The following ELFN2 variants were observed in gnomAD, a reference collection of about 807,000 sequenced individuals.
ELFN2 encodes extracellular leucine rich repeat and fibronectin type III domain containing 2.
A neutral mutation model predicts 45.5 loss-of-function variants in ELFN2; 17 were observed. That is an observed-to-expected ratio of 0.37 (90% CI 0.26 to 0.56). ELFN2 has a LOEUF of 0.56. Among genes scored for constraint, ELFN2 ranks in the 20% least tolerant of loss-of-function variants. The probability of loss-of-function intolerance (pLI) is 0.77; values close to 1 mark genes in which losing one functional copy is unlikely to be tolerated. For synonymous variants in ELFN2, 550 were observed against 551.5 expected (o/e 1.00, Z 0.04); for missense variants, 922 against 1,183.2 (o/e 0.78, Z 3.24).
At chr22:37,413,980 C>T (rs755495933) in intron 2 of ELFN2, among the ~76,000 whole-genome samples, 2 of 152,242 alleles carry the variant, frequency 1.3e-5, no homozygotes, top group African/African-American at 2.4e-5. Flanking sequence ...TCACAGCCTG[C>T]TGTGTACCCA....
intron 2 of ELFN2, among the ~76,000 whole-genome samples, chr22:37,410,744 G>A (rs62234982): frequency 0.016 from 2,402 of 152,318 alleles, 29 homozygotes; most frequent in Middle Eastern, 0.034. Flanking sequence ...ACCGAGGAGC[G>A]GAGGATGATC....
At chr22:37,392,902 C>T (rs1330634387) in intron 2 of ELFN2, among the ~76,000 whole-genome samples, 2 of 152,226 alleles carry the variant, frequency 1.3e-5, no homozygotes, top group African/African-American at 4.8e-5. Flanking sequence ...CTTCAGGAGC[C>T]CCATTAATCA....
intron 2 of ELFN2, among the ~76,000 whole-genome samples, chr22:37,341,578 C>T (rs771581237): frequency 2.8e-4 from 42 of 152,180 alleles, no homozygotes; most frequent in African/African-American, 5.1e-4. Context: ...GAAGGTTTCC[C>T]GGATGGTTCT....
chr22:37,403,014 C>T (rs1932403025), intron 2 of ELFN2, among the ~76,000 whole-genome samples: 1 of 152,128 alleles, frequency 6.6e-6, no homozygotes. Context: ...CCTCACTTGC[C>T]CACAACTGCC....
intron 2 of ELFN2, among the ~76,000 whole-genome samples, chr22:37,382,022 CCT>C (rs897584520): frequency 1.1e-4 from 16 of 146,090 alleles, no homozygotes; most frequent in African/African-American, 2.3e-4. Context: ...AGAAGCCCCC[CCT>C]GTGATGGGGT....
At chr22:37,414,107 T>C (rs958586390) in intron 2 of ELFN2, among the ~76,000 whole-genome samples, 2 of 152,208 alleles carry the variant, frequency 1.3e-5, no homozygotes, top group African/African-American at 2.4e-5. Flanking sequence ...CACAAATTTA[T>C]TGAACCTCTA....
At chr22:37,385,825 G>A (rs1255757171) in intron 2 of ELFN2, among the ~76,000 whole-genome samples, 2 of 152,182 alleles carry the variant, frequency 1.3e-5, no homozygotes, top group Non-Finnish European at 2.9e-5. Context: ...GATACTAACA[G>A]CATGGATCGG....
At chr22:37,377,670 T>G (rs901613209) in intron 2 of ELFN2, among the ~76,000 whole-genome samples, 1 of 152,122 alleles carries the variant, frequency 6.6e-6, no homozygotes, top group African/African-American at 2.4e-5. Flanking sequence ...AGGCTGATGC[T>G]ACGTCAGAGG....
chr22:37,353,608 C>T (rs943345436), intron 1 of ELFN2: 5 of 150,882 alleles, frequency 3.3e-5, no homozygotes, highest in African/African-American at 9.7e-5. Context: ...ACCAATGGCC[C>T]GAATAGGCAT....
chr22:37,387,760 C>T (rs1931988000), intron 2 of ELFN2, among the ~76,000 whole-genome samples: 1 of 152,064 alleles, frequency 6.6e-6, no homozygotes, highest in Non-Finnish European at 1.5e-5. Flanking sequence ...GGTCCCTGCT[C>T]ACTGCCTCTC....
intron 2 of ELFN2, among the ~76,000 whole-genome samples, chr22:37,378,356 C>T (rs935945875): frequency 2.8e-4 from 43 of 152,232 alleles, no homozygotes; most frequent in Non-Finnish European, 4.8e-4. Context: ...CCTATCCTCA[C>T]ATCTGAGTTG....
At position 37,372,938 on chromosome 22, in the gene ELFN2, G is replaced by T. The variant is rs1931417488; in HGVS notation, c.*134C>A. The T allele has an allele frequency of 6.4e-6, 6 of 936,798 alleles. No homozygotes were observed. Among genetic ancestry groups the T allele is most frequent in the Non-Finnish European group, 9.3e-6 (6 of 643,962 alleles). 58.0% of individuals were successfully genotyped at this position (936,798 alleles called of 1,614,324 possible). ...TGGTCAGGTGTGTGTGTGCGTGCGT[G>T]CGTGCGGGTCTGCATGTGCGTCCTC... On this transcript the variant is annotated 3_prime_UTR_variant, in exon 3 of 3. Transcript: ENST00000402918. This position sits in a 1 kb window ranked among gnomAD's most constrained non-coding sequence, Gnocchi z 4.4.
At chr22:37,358,306 A>T (rs527308450) in intron 1 of ELFN2, among the ~76,000 whole-genome samples, 1 of 152,236 alleles carries the variant, frequency 6.6e-6, no homozygotes, top group Admixed American at 6.5e-5. Flanking sequence ...TTACATCTGC[A>T]CATGCTACAA....
intron 2 of ELFN2, among the ~76,000 whole-genome samples, chr22:37,405,285 G>T (rs1341387758): frequency 6.6e-6 from 1 of 151,910 alleles, no homozygotes; most frequent in Non-Finnish European, 1.5e-5. Flanking sequence ...TAGAGAGGGG[G>T]TTTCGCCATG....
intron 2 of ELFN2, among the ~76,000 whole-genome samples, chr22:37,341,931 C>T (rs1036439844): frequency 3.9e-5 from 6 of 152,160 alleles, no homozygotes; most frequent in Non-Finnish European, 8.8e-5. Context: ...CTGCTGGGGC[C>T]CTCTGGTCAG....
intron 2 of ELFN2, among the ~76,000 whole-genome samples, chr22:37,385,859 G>C (rs901232359): frequency 1.3e-5 from 2 of 152,178 alleles, no homozygotes; most frequent in African/African-American, 4.8e-5. Flanking sequence ...GAGGTCTCCA[G>C]TTATGAGTCT....
In ELFN2 at chr22:37,420,234, C is replaced by G. The variant is rs936849481; in HGVS notation, c.-613-2315G>C. On this transcript the variant is annotated intron_variant, in intron 1 of 2. Coordinates refer to ENST00000402918, the MANE Select transcript of ELFN2 (RefSeq NM_052906.5). ...GCTCCCGTCCCCACCACGCCAGGTC[C>G]GCGGCAGTTCCCGCCCGCCCCCTCC... 4 of 152,128 alleles carry G rather than the reference C, an allele frequency of 2.6e-5. No individual in the cohort carries two copies. In the East Asian group the frequency reaches 7.7e-4, roughly 29 times the overall value. The allele number at this position is 152,128 out of a possible 1,614,324, so 9.4% of individuals were successfully genotyped here.
At chr22:37,402,585 C>T (rs1251484288) in intron 2 of ELFN2, among the ~76,000 whole-genome samples, 1 of 150,766 alleles carries the variant, frequency 6.6e-6, no homozygotes, top group Admixed American at 6.6e-5. Context: ...GCAACTTGCC[C>T]ACAGTTCCCA....
At chr22:37,387,174 C>T (rs1173779183) in intron 2 of ELFN2, among the ~76,000 whole-genome samples, 3 of 152,186 alleles carry the variant, frequency 2.0e-5, no homozygotes, top group Non-Finnish European at 4.4e-5. Flanking sequence ...CCCCTCTTTG[C>T]CTCTGTCCCT....
Sources: allele counts gnomAD v4.1 joint callset (sites outside exome capture counted in the v4.1 genomes callset), GRCh38; gene constraint gnomAD v4.1.1; non-coding constraint Gnocchi (gnomAD v3.1); transcripts MANE v1.5; gene names NCBI Gene and HGNC (gene_info 2026-07-23, HGNC 2026-07-21).